Variants in RFX4 observed in about 807,000 individuals in gnomAD.
RFX4 encodes the protein regulatory factor X4.
In RFX4, 10 loss-of-function variants were observed where a neutral mutation model predicts 95.0. The observed-to-expected ratio is 0.11, with a 90% confidence interval of 0.06 to 0.18. The LOEUF is 0.18. Ranked by LOEUF, RFX4 falls within the 10% of genes least tolerant of loss-of-function variation. The probability of loss-of-function intolerance (pLI) is 1.00; values close to 1 mark genes in which losing one functional copy is unlikely to be tolerated. For missense variants in RFX4, 640 were observed against 922.0 expected, an observed-to-expected ratio of 0.69 and a Z score of 3.96; for synonymous variants, 321 against 340.7, an observed-to-expected ratio of 0.94 and a Z score of 0.64.
chr12:106,689,421 G>T, intron 7 of RFX4, 57 bp downstream of exon 7: 1 of 1,405,144 alleles, frequency 7.1e-7, no homozygotes. Flanking sequence ...TGTAACACTA[G>T]CTCCTATTTC....
At chr12:106,643,200 T>G (rs1361668638) in intron 3 of RFX4, among the ~76,000 whole-genome samples, 4 of 152,136 alleles carry the variant, frequency 2.6e-5, no homozygotes, top group Admixed American at 6.5e-5. Flanking sequence ...CTCCTTGGAA[T>G]GATTCAGCCT....
rs751095398 is a variant in RFX4 at position 106,709,351 on chromosome 12, G to A, written c.855G>A (p.Lys285=). 2 of 1,613,510 alleles carry A rather than the reference G, an allele frequency of 1.2e-6. No individual in the cohort carries two copies. The highest frequency in any genetic ancestry group is 1.7e-6 in the Non-Finnish European group (2 of 1,179,890). ...LPDSLTQVIR[K]FAKQLDEWLK... ...CTAGCTTAACTCAGGTGATTCGAAA[G>A]TTTGCCAAGCAACTGGATGAGTGGC... The change falls in exon 9 of 18, where the codon AAG becomes AAA. Residue 285 remains lysine (K), a synonymous_variant. Coordinates refer to ENST00000392842, the MANE Select transcript of RFX4 (RefSeq NM_213594.3).
chr12:106,675,863 C>G (rs778075103), intron 4 of RFX4, among the ~76,000 whole-genome samples: 1 of 152,032 alleles, frequency 6.6e-6, no homozygotes, highest in Non-Finnish European at 1.5e-5. Flanking sequence ...TCCGTATGGC[C>G]GGAGCACAGG....
intron 2 of RFX4, among the ~76,000 whole-genome samples, chr12:106,619,131 T>C (rs2040129620): frequency 6.6e-6 from 1 of 152,192 alleles, no homozygotes; most frequent in African/African-American, 2.4e-5. Flanking sequence ...ATTATTGTTT[T>C]AAGCAGTTAA....
intron 9 of RFX4, among the ~76,000 whole-genome samples, chr12:106,711,131 T>C (rs1446309402): frequency 1.3e-5 from 2 of 152,212 alleles, no homozygotes; most frequent in Admixed American, 6.5e-5. Flanking sequence ...AGCTTGCAAT[T>C]AGCGAAATGA....
intron 2 of RFX4, among the ~76,000 whole-genome samples, chr12:106,637,037 C>A (rs1023370648): frequency 1.3e-5 from 2 of 152,142 alleles, no homozygotes; most frequent in Non-Finnish European, 2.9e-5. Flanking sequence ...CCAGAAGCCC[C>A]GAGAGAGAGT....
chr12:106,661,909 T>C (rs187242154), intron 4 of RFX4, among the ~76,000 whole-genome samples: 2 of 152,334 alleles, frequency 1.3e-5, no homozygotes, highest in East Asian at 3.9e-4. Context: ...TTCTTTTTAG[T>C]GCTGAATAAT....
chr12:106,618,105 GCATTTTGAATGTA>G (rs2040109645), intron 2 of RFX4, among the ~76,000 whole-genome samples: 2 of 152,048 alleles, frequency 1.3e-5, no homozygotes, highest in African/African-American at 4.8e-5. Context: ...TGAGTATTTT[GCATTTTGAATGTA>G]CATTTTGAAT....
intron 2 of RFX4, among the ~76,000 whole-genome samples, chr12:106,614,619 C>T (rs2040035255): frequency 6.6e-6 from 1 of 151,874 alleles, no homozygotes; most frequent in South Asian, 2.1e-4. Flanking sequence ...CGCCATTCTC[C>T]TGCCTCAGCC....
intron 3 of RFX4, among the ~76,000 whole-genome samples, chr12:106,649,789 T>A (rs2040824046): frequency 6.6e-6 from 1 of 152,232 alleles, no homozygotes; most frequent in Non-Finnish European, 1.5e-5. Flanking sequence ...CCTCTCCTTC[T>A]GCATTTCTGG....
chr12:106,740,676 C>T (rs940804561), intron 15 of RFX4, among the ~76,000 whole-genome samples: 5 of 152,132 alleles, frequency 3.3e-5, no homozygotes, highest in East Asian at 1.9e-4. Context: ...ATGGTACTTA[C>T]ATTCTAGTGG....
intron 5 of RFX4, chr12:106,683,466 GAAAAAAAAAAAAAAA>G (rs149587196): frequency 7.9e-5 from 4 of 50,818 alleles, no homozygotes; most frequent in East Asian, 6.5e-4. Context: ...TGACTATTCT[GAAAAAAAAAAAAAAA>G]AAAAAAAAAA....
chr12:106,718,736 C>A (rs1168285511), intron 11 of RFX4, among the ~76,000 whole-genome samples: 1 of 152,116 alleles, frequency 6.6e-6, no homozygotes, highest in African/African-American at 2.4e-5. Flanking sequence ...TACAGAAACA[C>A]AAAAATGTGA....
At chr12:106,650,836 C>T (rs995858695) in intron 3 of RFX4, among the ~76,000 whole-genome samples, 13 of 151,990 alleles carry the variant, frequency 8.6e-5, no homozygotes, top group African/African-American at 2.2e-4. Context: ...GCAAATAGAA[C>T]GTATTAAGCT....
chr12:106,735,044 T>TAAA (rs36013040), intron 15 of RFX4, among the ~76,000 whole-genome samples: 2 of 113,450 alleles, frequency 1.8e-5, no homozygotes, highest in East Asian at 2.4e-4. Context: ...ATAGCCTGTT[T>TAAA]AAAAAAAAAA....
At chr12:106,705,069 C>A (rs922706480) in intron 8 of RFX4, among the ~76,000 whole-genome samples, 2 of 152,194 alleles carry the variant, frequency 1.3e-5, no homozygotes, top group African/African-American at 4.8e-5. Context: ...CCTGGCTCTG[C>A]CACTTGCTGC....
At chr12:106,601,667 G>A (rs938744399) in intron 1 of RFX4, among the ~76,000 whole-genome samples, 7 of 152,194 alleles carry the variant, frequency 4.6e-5, no homozygotes. Context: ...CTTCTCCACT[G>A]CTTGAACACC....
chr12:106,757,346 G>A (rs1486544174), intron 17 of RFX4, among the ~76,000 whole-genome samples: 1 of 152,108 alleles, frequency 6.6e-6, no homozygotes, highest in Non-Finnish European at 1.5e-5. Context: ...CCAGAAGTTT[G>A]AGATCAGCCT....
At chr12:106,641,915 G>A (rs910079311) in intron 3 of RFX4, among the ~76,000 whole-genome samples, 2 of 151,118 alleles carry the variant, frequency 1.3e-5, no homozygotes, top group Admixed American at 1.3e-4. Context: ...CTGATGACAG[G>A]GGAAAAAGGG....
Sources: gnomAD v4.1 joint callset for allele counts (sites outside exome capture counted in the v4.1 genomes callset) on GRCh38, gnomAD v4.1.1 for gene constraint, MANE v1.5 for transcripts, NCBI Gene and HGNC (gene_info 2026-07-23, HGNC 2026-07-21) for gene names.